DCLK1: variants seen among roughly 807,000 people sequenced by gnomAD.
DCLK1 encodes serine/threonine-protein kinase DCLK1.
Under a neutral mutation model 86.2 loss-of-function variants are expected in DCLK1, and 16 were observed. That is an observed-to-expected ratio of 0.19 (90% CI 0.13 to 0.28). The LOEUF (loss-of-function observed/expected upper bound fraction) is 0.28, where lower values mean the gene tolerates loss of function less well. Among genes scored for constraint, DCLK1 ranks in the 10% least tolerant of loss-of-function variants. The probability of loss-of-function intolerance (pLI) is 1.00; values close to 1 mark genes in which losing one functional copy is unlikely to be tolerated. For missense variants in DCLK1, 590 were observed against 940.2 expected (o/e 0.63, Z 4.87); for synonymous variants, 369 against 370.5 (o/e 1.00, Z 0.05).
At chr13:35,793,567 G>A (rs2153099610) in intron 15 of DCLK1, 88 bp from the exon 16 acceptor site, 1 of 1,014,476 alleles carries the variant, frequency 9.9e-7, no homozygotes, top group Non-Finnish European at 1.4e-6. Flanking sequence ...CACAGGCAGT[G>A]ATCTTAGAAT....
chr13:35,840,167 C>T (rs1379188516), intron 6 of DCLK1, among the ~76,000 whole-genome samples: 1 of 152,010 alleles, frequency 6.6e-6, no homozygotes, highest in East Asian at 1.9e-4. Context: ...GAAGAGGTGG[C>T]GAGAAGCAAA....
rs1172508526 is a variant in DCLK1 at position 35,810,938 on chromosome 13, G to T, written c.1585C>A (p.Leu529Met). The change falls in exon 12 of 17, where the codon CTG becomes ATG. Residue 529 changes from leucine to methionine, a missense_variant. Physicochemically the swap from Leu to Met is conservative, Grantham distance 15. Transcript: ENST00000360631. ...GCCAGTCCAAAGTCACCCAGCTTCA[G>T]TGATTTGCTGCCATCTTGGTGCTCA... is the stretch of plus-strand genomic sequence containing the variant. The part of the protein sequence containing the change: ...VYEHQDGSKS[L>M]KLGDFGLATI... 1 of 1,613,952 alleles carries T rather than the reference G, an allele frequency of 6.2e-7. No homozygotes were observed. Among genetic ancestry groups the T allele is most frequent in the Non-Finnish European group, 8.5e-7 (1 of 1,179,988 alleles).
intron 6 of DCLK1, among the ~76,000 whole-genome samples, chr13:35,851,991 G>A (rs1307346404): frequency 7.2e-6 from 1 of 138,482 alleles, no homozygotes; most frequent in East Asian, 2.2e-4. Context: ...GTGCATGTGT[G>A]TGTATGTGTG....
intron 16 of DCLK1, among the ~76,000 whole-genome samples, chr13:35,790,671 C>T (rs993337666): frequency 6.6e-6 from 1 of 152,024 alleles, no homozygotes; most frequent in Non-Finnish European, 1.5e-5. Context: ...ATATCAATTC[C>T]TGAACTTTTA....
intron 3 of DCLK1, among the ~76,000 whole-genome samples, chr13:36,057,218 G>T (rs41464045): frequency 0.1 from 15,916 of 152,046 alleles, 1,301 homozygotes; most frequent in East Asian, 0.3. Flanking sequence ...GATGAATCCT[G>T]TCTTTTAGTA....
At chr13:35,952,259 T>A (rs1566617695) in intron 3 of DCLK1, among the ~76,000 whole-genome samples, 2 of 152,202 alleles carry the variant, frequency 1.3e-5, no homozygotes, top group Non-Finnish European at 2.9e-5. Context: ...CTTTTCTAAG[T>A]TGATTTGAAG....
In DCLK1 at chr13:36,118,361, AC is replaced by A. The variant is rs1416220661; in HGVS notation, c.377-6147del. On this transcript the variant is annotated intron_variant, in intron 2 of 16. Coordinates refer to ENST00000360631, the MANE Select transcript of DCLK1 (RefSeq NM_001330071.2). Reference sequence around the variant, plus strand: ...ATGTTACGAGGAGTACTTAGCAGATACAACCAGCCAGAATTGGCAATTGACT... The same window carrying A: ...ATGTTACGAGGAGTACTTAGCAGATAAACCAGCCAGAATTGGCAATTGACT... Among the ~76,000 whole-genome samples, 3 of 152,296 alleles carry A rather than the reference AC, an allele frequency of 2.0e-5. No individual in the cohort carries two copies. In the East Asian group the frequency reaches 5.8e-4, roughly 30 times the overall value.
At chr13:36,071,040 T>C (rs1738519343) in intron 3 of DCLK1, among the ~76,000 whole-genome samples, 1 of 152,144 alleles carries the variant, frequency 6.6e-6, no homozygotes, top group Non-Finnish European at 1.5e-5. Flanking sequence ...TGGAGCAAAA[T>C]GAGTCAGTCT....
At chr13:35,846,152 A>G (rs1870157684) in intron 6 of DCLK1, 1 of 985,294 alleles carries the variant, frequency 1.0e-6, no homozygotes, top group South Asian at 4.7e-5. Context: ...AAATGTTTTA[A>G]CACAAAATGT....
At position 35,955,911 on chromosome 13, in the gene DCLK1, A is replaced by G. The variant is rs11843923; in HGVS notation, c.724-8454T>C. 9.0e-3 allele frequency among the ~76,000 whole-genome samples: 1,372 copies of G among 152,292 alleles called. 11 individuals are homozygous for G. Among genetic ancestry groups the G allele is most frequent in the Non-Finnish European group, 0.011 (728 of 68,028 alleles). On this transcript the variant is annotated intron_variant, in intron 3 of 16. Transcript: ENST00000360631. ...GAGTGATTTGGGGCTATTATTTAAGAATAGAATACTAAACTTAAATATCTG... is the reference window on the plus strand; with the variant it reads ...GAGTGATTTGGGGCTATTATTTAAGGATAGAATACTAAACTTAAATATCTG...
At chr13:36,014,789 A>C (rs564355112) in intron 3 of DCLK1, among the ~76,000 whole-genome samples, 1 of 152,254 alleles carries the variant, frequency 6.6e-6, no homozygotes, top group Non-Finnish European at 1.5e-5. Flanking sequence ...ATTTAAAAAG[A>C]AAATAGATGT....
At chr13:35,974,265 G>A (rs1232086325) in intron 3 of DCLK1, among the ~76,000 whole-genome samples, 1 of 152,152 alleles carries the variant, frequency 6.6e-6, no homozygotes, top group African/African-American at 2.4e-5. Context: ...AGAGGACCTT[G>A]ACACAGATGA....
chr13:35,918,868 A>G (rs1338409669), intron 4 of DCLK1, among the ~76,000 whole-genome samples: 1 of 136,556 alleles, frequency 7.3e-6, no homozygotes, highest in Non-Finnish European at 1.6e-5. Context: ...TTAAAGGCCA[A>G]AAAGAAATCT....
intron 15 of DCLK1, among the ~76,000 whole-genome samples, chr13:35,804,514 C>G (rs978354156): frequency 1.3e-5 from 2 of 151,902 alleles, no homozygotes; most frequent in African/African-American, 4.8e-5. Flanking sequence ...CTCACTGCAG[C>G]CTCTGCCTCC....
chr13:36,039,479 C>T (rs76982373), intron 3 of DCLK1, among the ~76,000 whole-genome samples: 5,005 of 152,216 alleles, frequency 0.033, 104 homozygotes, highest in African/African-American at 0.067. Context: ...GTGCGAACAT[C>T]GGTGATTTTT....
intron 5 of DCLK1, among the ~76,000 whole-genome samples, chr13:35,855,170 T>A (rs1870958959): frequency 2.0e-5 from 3 of 152,204 alleles, no homozygotes; most frequent in African/African-American, 7.2e-5. Flanking sequence ...CCTCACAGTT[T>A]CTCTTTGCTG....
chr13:35,891,604 G>T (rs898666563), intron 4 of DCLK1, among the ~76,000 whole-genome samples: 2 of 152,128 alleles, frequency 1.3e-5, no homozygotes, highest in African/African-American at 4.8e-5. Flanking sequence ...ACTTTAAGTG[G>T]GTGAATTGTA....
intron 10 of DCLK1, 41 bp from the exon 11 acceptor site, chr13:35,822,916 G>A (rs776962199): frequency 1.5e-5 from 24 of 1,606,816 alleles, no homozygotes; most frequent in East Asian, 4.5e-5. Flanking sequence ...ATTAACAGAC[G>A]GGCCAGTGGG....
intron 15 of DCLK1, among the ~76,000 whole-genome samples, chr13:35,804,243 G>T (rs2086980005): frequency 6.6e-6 from 1 of 151,424 alleles, no homozygotes; most frequent in African/African-American, 2.4e-5. Flanking sequence ...TGATTCTACT[G>T]CCTCAGCCTC....
Sources: gnomAD v4.1 joint callset for allele counts (sites outside exome capture counted in the v4.1 genomes callset) on GRCh38, gnomAD v4.1.1 for gene constraint, MANE v1.5 for transcripts, NCBI Gene and HGNC (gene_info 2026-07-23, HGNC 2026-07-21) for gene names.